The following RFLNA variants were observed in gnomAD, a reference collection of about 807,000 sequenced individuals.
RFLNA encodes refilin A.
RFLNA carries 5 observed loss-of-function variants against 7.8 expected under a neutral mutation model. The observed-to-expected ratio is 0.64, with a 90% CI of 0.34 to 1.35. RFLNA has a LOEUF of 1.35. RFLNA is among the 40% of genes most tolerant of loss of function. The pLI, the probability that RFLNA is intolerant of heterozygous loss-of-function variation, is 0.04. For missense variants in RFLNA, 278 were observed against 305.5 expected (o/e 0.91, Z 0.67); for synonymous variants, 141 against 131.3 (o/e 1.07, Z -0.50).
At chr12:124,303,070 A>G (rs2034073841) in intron 1 of RFLNA, among the ~76,000 whole-genome samples, 1 of 152,022 alleles carries the variant, frequency 6.6e-6, no homozygotes, top group Non-Finnish European at 1.5e-5. Context: ...CTCATGGTTC[A>G]GCGAACTGCG....
At chr12:124,298,917 C>A (rs1446862781) in intron 1 of RFLNA, among the ~76,000 whole-genome samples, 1 of 152,136 alleles carries the variant, frequency 6.6e-6, no homozygotes, top group African/African-American at 2.4e-5. Flanking sequence ...GATGGGTGCA[C>A]AAAAATCTCA....
At chr12:124,310,947 T>C (rs1191637021) in intron 1 of RFLNA, among the ~76,000 whole-genome samples, 1 of 152,242 alleles carries the variant, frequency 6.6e-6, no homozygotes, top group Non-Finnish European at 1.5e-5. Context: ...ATGGATTTGC[T>C]GGTGCTCACA....
At chr12:124,308,946 C>T (rs946301656) in intron 1 of RFLNA, among the ~76,000 whole-genome samples, 8 of 152,336 alleles carry the variant, frequency 5.3e-5, no homozygotes, top group Admixed American at 2.0e-4. Flanking sequence ...CAGCTGCCAG[C>T]GCGTGGCGGG....
In RFLNA at chr12:124,313,396, C is replaced by T. The variant is rs147144761; in HGVS notation, c.318-796C>T. On this transcript the variant is annotated intron_variant, in intron 2 of 2. Coordinates refer to ENST00000546355, the MANE Select transcript of RFLNA (RefSeq NM_001365156.1). Reference sequence around the variant, plus strand: ...TAATTTCAAACTTTTTAAAAGGTTGCGGCTGGGCGTGGTGGCTCATGCCTG... The same window carrying T: ...TAATTTCAAACTTTTTAAAAGGTTGTGGCTGGGCGTGGTGGCTCATGCCTG... 3.3e-3 allele frequency among the ~76,000 whole-genome samples: 504 copies of T among 152,180 alleles called. 2 individuals carry two copies. Among genetic ancestry groups the T allele is most frequent in the Non-Finnish European group, 5.0e-3 (338 of 67,992 alleles).
At chr12:124,297,180 C>A (rs2033943953) in intron 1 of RFLNA, among the ~76,000 whole-genome samples, 1 of 152,176 alleles carries the variant, frequency 6.6e-6, no homozygotes, top group Non-Finnish European at 1.5e-5. Context: ...CTTCCATGAC[C>A]CAGAAGCCTC....
At position 124,314,520 on chromosome 12, in the gene RFLNA, C is replaced by G. The variant is rs1281518098; in HGVS notation, c.646C>G (p.Leu216Val). The stretch of plus-strand genomic sequence containing the variant: ...CCCCAGCCTCCTGGGCCCTGCCACG[C>G]TCTGACGGGGCTGGGGCCGGCCCGG... ...PAPSLLGPAT[L>V] The change falls in exon 3 of 3, where the codon CTC becomes GTC. Residue 216 changes from leucine to valine, a missense_variant. Coordinates refer to ENST00000546355, the MANE Select transcript of RFLNA (RefSeq NM_001365156.1). 1 of 1,577,676 alleles carries G rather than the reference C, an allele frequency of 6.3e-7. No homozygotes were observed. Among genetic ancestry groups the G allele is most frequent in the Admixed American group, 1.8e-5 (1 of 56,638 alleles).
intron 1 of RFLNA, among the ~76,000 whole-genome samples, chr12:124,301,950 G>A (rs2034045517): frequency 6.6e-6 from 1 of 152,150 alleles, no homozygotes; most frequent in Admixed American, 6.5e-5. Context: ...AAATCGAGCT[G>A]ACGGCGGGGG....
intron 1 of RFLNA, among the ~76,000 whole-genome samples, chr12:124,308,434 G>A (rs965415168): frequency 6.6e-5 from 10 of 152,048 alleles, no homozygotes; most frequent in Non-Finnish European, 1.0e-4. Flanking sequence ...TGGGCTTTGG[G>A]GGGGGACCCT....
intron 1 of RFLNA, among the ~76,000 whole-genome samples, chr12:124,297,797 T>C (rs1038895781): frequency 5.3e-5 from 8 of 152,252 alleles, no homozygotes; most frequent in Admixed American, 3.9e-4. Context: ...TTCTCAGCTT[T>C]GGGGCTTGCC....
At chr12:124,302,536 G>A (rs1443566204) in intron 1 of RFLNA, among the ~76,000 whole-genome samples, 1 of 152,072 alleles carries the variant, frequency 6.6e-6, no homozygotes, top group East Asian at 1.9e-4. Flanking sequence ...GGGGGAGATC[G>A]AGAAAGACCC....
chr12:124,293,661 C>T (rs888071103), upstream of RFLNA, among the ~76,000 whole-genome samples: 1 of 152,202 alleles, frequency 6.6e-6, no homozygotes, highest in Admixed American at 6.5e-5. Flanking sequence ...GGGCAGCAGA[C>T]TTCCAGCGTT....
At chr12:124,305,215 C>G (rs2034117015) in intron 1 of RFLNA, among the ~76,000 whole-genome samples, 1 of 152,222 alleles carries the variant, frequency 6.6e-6, no homozygotes, top group Non-Finnish European at 1.5e-5. Context: ...ACCTCCACCC[C>G]AGACCTTCAT....
Position 124,307,793 on chromosome 12 carries a change from C to G in RFLNA, c.208-4025C>G, listed in dbSNP as rs148093582. Among the ~76,000 whole-genome samples the G allele has an allele frequency of 2.0e-3, 297 of 152,280 alleles. 1 individual carries two copies. The highest frequency in any genetic ancestry group is 3.1e-3 in the Non-Finnish European group (212 of 68,022). On this transcript the variant is annotated intron_variant, in intron 1 of 2. Transcript: ENST00000546355. ...AACTGGGTGGCCTGAGGAAACAGAA[C>G]TCTATTCTCGCACAGTTCCGGAGGC...
At chr12:124,297,430 C>T (rs1282614829) in intron 1 of RFLNA, among the ~76,000 whole-genome samples, 1 of 152,148 alleles carries the variant, frequency 6.6e-6, no homozygotes, top group Admixed American at 6.5e-5. Context: ...TAGCTCATAC[C>T]GTGTGCCAGG....
At chr12:124,301,264 A>C (rs2034032516) in intron 1 of RFLNA, among the ~76,000 whole-genome samples, 1 of 152,228 alleles carries the variant, frequency 6.6e-6, no homozygotes, top group Non-Finnish European at 1.5e-5. Context: ...GAAATTCAGC[A>C]AAGTGTCTGA....
At chr12:124,312,510 T>G (rs781649078) in intron 2 of RFLNA, among the ~76,000 whole-genome samples, 2 of 152,152 alleles carry the variant, frequency 1.3e-5, no homozygotes, top group South Asian at 2.1e-4. Context: ...GGGGTCTCAC[T>G]ATGTTGCCCA....
chr12:124,307,803 G>T lies in RFLNA; in HGVS notation c.208-4015G>T, dbSNP rs142847959. 1.9e-4 allele frequency among the ~76,000 whole-genome samples: 29 copies of T among 152,208 alleles called. No individual in the cohort carries two copies. The East Asian group carries it at 5.0e-3, about 26-fold the overall frequency. On this transcript the variant is annotated intron_variant, in intron 1 of 2. Coordinates refer to ENST00000546355, the MANE Select transcript of RFLNA (RefSeq NM_001365156.1). ...CCTGAGGAAACAGAACTCTATTCTC[G>T]CACAGTTCCGGAGGCCAGAGTTCCA...
chr12:124,296,656 G>T (rs1333920764), intron 1 of RFLNA, among the ~76,000 whole-genome samples: 1 of 152,204 alleles, frequency 6.6e-6, no homozygotes, highest in Non-Finnish European at 1.5e-5. Context: ...GGAAAGGAGC[G>T]GCTCCCCGGC....
intron 1 of RFLNA, among the ~76,000 whole-genome samples, chr12:124,299,006 G>A (rs749188448): frequency 6.6e-6 from 1 of 152,238 alleles, no homozygotes; most frequent in Non-Finnish European, 1.5e-5. Context: ...CCGGAGGGCC[G>A]GGAGAGGCCA....
Sources: allele counts gnomAD v4.1 joint callset (sites outside exome capture counted in the v4.1 genomes callset), GRCh38; gene constraint gnomAD v4.1.1; transcripts MANE v1.5; gene names NCBI Gene and HGNC (gene_info 2026-07-23, HGNC 2026-07-21).